AKT1: variants seen among roughly 807,000 people sequenced by gnomAD.
The protein encoded by AKT1 is RAC-alpha serine/threonine-protein kinase.
AKT1 carries 21 observed loss-of-function variants against 63.1 expected under a neutral mutation model. That is an observed-to-expected ratio of 0.33 (90% confidence interval 0.24 to 0.48). The LOEUF (loss-of-function observed/expected upper bound fraction) is 0.48. Ranked by LOEUF, AKT1 falls within the 20% of genes least tolerant of loss-of-function variation. The pLI is 0.99. For missense variants in AKT1, 382 were observed against 666.0 expected (o/e 0.57, Z 4.69); for synonymous variants, 257 against 253.1 (o/e 1.02, Z -0.15).
At chr14:104,793,001 C>G in intron 2 of AKT1, 126 bp downstream of exon 2, 1 of 420,654 alleles carries the variant, frequency 2.4e-6, no homozygotes, top group Non-Finnish European at 4.4e-6. Context: ...CCTCCAGCCC[C>G]TGCCACCACC....
At position 104,780,167 on chromosome 14, in the gene AKT1, A is replaced by G. The variant is rs201636005; in HGVS notation, c.96T>C (p.Asp32=). The G allele has an allele frequency of 6.2e-7, 1 of 1,613,640 alleles. No individual in the cohort carries two copies. The highest frequency in any genetic ancestry group is 2.2e-5 in the East Asian group (1 of 44,882). ...GCTCCTTGTAGCCAATGAAGGTGCC[A>G]TCATTCTTGAGGAGGAAGTAGCGTG... is the stretch of plus-strand genomic sequence containing the variant. ...WRPRYFLLKN[D]GTFIGYKERP... The change falls in exon 4 of 15, where the codon GAT becomes GAC. Residue 32 remains aspartate (D), a synonymous_variant. Coordinates refer to ENST00000649815, the MANE Select transcript of AKT1 (RefSeq NM_001382430.1).
chr14:104,782,161 G>A (rs1164709629), intron 3 of AKT1, among the ~76,000 whole-genome samples: 1 of 152,042 alleles, frequency 6.6e-6, no homozygotes, highest in East Asian at 1.9e-4. Flanking sequence ...AGGCTCAGGG[G>A]GCTGCATGCA....
At chr14:104,786,787 C>G (rs994843820) in intron 3 of AKT1, among the ~76,000 whole-genome samples, 1 of 152,188 alleles carries the variant, frequency 6.6e-6, no homozygotes, top group Admixed American at 6.5e-5. Context: ...CGTGGCCTCA[C>G]CCCACACCTC....
At position 104,783,512 on chromosome 14, in the gene AKT1, ACCC is replaced by A. The variant is rs907233996; in HGVS notation, c.47-3299_47-3297del. On this transcript the variant is annotated intron_variant, in intron 3 of 14. Coordinates refer to ENST00000649815, the MANE Select transcript of AKT1 (RefSeq NM_001382430.1). ...GGCATCCCCCCACCCCACCCCAGTCACCCCCCCAACACCACCCCACCCACCTGC... is the reference window on the plus strand; with the variant it reads ...GGCATCCCCCCACCCCACCCCAGTCACCCCAACACCACCCCACCCACCTGC... 7.0e-4 allele frequency among the ~76,000 whole-genome samples: 28 copies of A among 40,214 alleles called. No individual in the cohort carries two copies. The East Asian group carries it at 0.013, about 18-fold the overall frequency. The allele number at this position is 40,214 out of a possible 152,430, so 26.4% of individuals were successfully genotyped here.
intron 13 of AKT1, 47 bp downstream of exon 13, chr14:104,772,316 GAT>G: frequency 1.3e-6 from 2 of 1,588,776 alleles, no homozygotes; most frequent in Non-Finnish European, 1.7e-6. Flanking sequence ...CGTGAGTGTG[GAT>G]ATGTGGGGAG....
rs1404270064 is a variant in AKT1, at chr14:104,776,832, C to A, written c.176-62G>T. 7.0e-6 allele frequency: 10 copies of A among 1,433,090 alleles called. No homozygotes were observed. In the East Asian group the frequency reaches 1.9e-4, roughly 27 times the overall value. The allele number at this position is 1,433,090 out of a possible 1,614,324, so 88.8% of individuals were successfully genotyped here. ...CCTGCCCCTCCCAGGGCCCTCACCA[C>A]AGCCCCCGCTGCACCAGCCAGCTCC... is the stretch of plus-strand genomic sequence containing the variant. On this transcript the variant is annotated intron_variant, in intron 4 of 14. Coordinates refer to ENST00000649815, the MANE Select transcript of AKT1 (RefSeq NM_001382430.1).
At position 104,780,121 on chromosome 14, in the gene AKT1, G is replaced by A. The variant is rs374093099; in HGVS notation, c.142C>T (p.Arg48Cys). The change falls in exon 4 of 15, where the codon CGT (arginine) becomes TGT (cysteine). Residue 48 changes from arginine to cysteine, a missense_variant. This residue lies in a region of AKT1 where 226 missense variants were observed against 366.4 expected (regional missense o/e 0.62). Coordinates refer to ENST00000649815, the MANE Select transcript of AKT1 (RefSeq NM_001382430.1). The part of the protein sequence containing the change: ...YKERPQDVDQ[R>C]EAPLNNFSVA... ...GAGAAGTTGTTGAGGGGAGCCTCAC[G>A]TTGGTCCACATCCTGCGGCCGCTCC... The A allele has an allele frequency of 4.8e-5, 77 of 1,613,550 alleles. No individual in the cohort carries two copies. The highest frequency in any genetic ancestry group is 1.6e-4 in the Middle Eastern group (1 of 6,082).
intron 8 of AKT1, chr14:104,774,712 T>G (rs1447417599): frequency 6.9e-6 from 4 of 583,100 alleles, no homozygotes; most frequent in Non-Finnish European, 1.2e-5. Flanking sequence ...CAGGGCCACC[T>G]GCCCCACCCA....
At chr14:104,779,977 C>A (rs1892943087) in intron 4 of AKT1, 111 bp downstream of exon 4, 1 of 1,465,316 alleles carries the variant, frequency 6.8e-7, no homozygotes, top group Admixed American at 2.2e-5. Flanking sequence ...TGTTGCTTGC[C>A]AGCCCAGGAC....
Position 104,769,607 on chromosome 14 carries a change from G to T in AKT1, c.*734C>A. The T allele has an allele frequency of 5.7e-6, 3 of 528,086 alleles. No individual in the cohort carries two copies. Among genetic ancestry groups the T allele is most frequent in the Non-Finnish European group, 1.1e-5 (3 of 273,176 alleles). 32.7% of individuals were successfully genotyped at this position (528,086 alleles called of 1,614,324 possible). A position where few individuals can be genotyped will look rare whatever the true frequency, so the allele number is the denominator to read the frequency against. On this transcript the variant is annotated 3_prime_UTR_variant, in exon 15 of 15. Transcript: ENST00000649815. ...GAGATCATCTGAGGGGGAGGCTCCC[G>T]GTGGGACAGTCACCAAGAACTGTGA...
At chr14:104,778,467 G>A (rs1264100774) in intron 4 of AKT1, 1 of 147,972 alleles carries the variant, frequency 6.8e-6, no homozygotes, top group Non-Finnish European at 1.5e-5. Flanking sequence ...CTGGCTTGAG[G>A]CTGGAAGAGC....
At position 104,772,392 on chromosome 14, in the gene AKT1, G is replaced by T; in HGVS notation, c.1233C>A (p.Ile411=). The change falls in exon 13 of 15, where the codon ATC becomes ATA. Residue 411 remains isoleucine, a synonymous_variant. Transcript: ENST00000649815. The part of the protein sequence containing the change: ...EIMQHRFFAG[I]VWQHVYEKKL... ...TCTTCTCGTACACGTGCTGCCACAC[G>T]ATACCGGCAAAGAAGCGATGCTGCA... The T allele has an allele frequency of 6.2e-7, 1 of 1,613,906 alleles. No individual in the cohort carries two copies. Among genetic ancestry groups the T allele is most frequent in the Non-Finnish European group, 8.5e-7 (1 of 1,180,036 alleles).
In AKT1 at chr14:104,782,185, G is replaced by A. The variant is rs564318766; in HGVS notation, c.47-1969C>T. The stretch of plus-strand genomic sequence containing the variant: ...GGGCTGCATGCAGCCCACCCCACCC[G>A]TCCCCCATCCTGGGCCACCCCGCTG... On this transcript the variant is annotated intron_variant, in intron 3 of 14. Transcript: ENST00000649815. Among the ~76,000 whole-genome samples, 15 of 82,856 alleles carry A rather than the reference G, an allele frequency of 1.8e-4. No individual in the cohort carries two copies. The East Asian group carries it at 2.7e-3, about 15-fold the overall frequency. 54.4% of individuals were successfully genotyped at this position (82,856 alleles called of 152,430 possible).
rs35416681 is a variant in AKT1, at chr14:104,769,950, A to C, written c.*391T>G. Reference sequence around the variant, plus strand: ...GCCCAGGGCCCCAGAGAGATGACAGATAGCTGGTGACAGACAGCCCAGGGC... The same window carrying C: ...GCCCAGGGCCCCAGAGAGATGACAGCTAGCTGGTGACAGACAGCCCAGGGC... On this transcript the variant is annotated 3_prime_UTR_variant, in exon 15 of 15. Coordinates refer to ENST00000649815, the MANE Select transcript of AKT1 (RefSeq NM_001382430.1). 5,730 of 415,472 alleles carry C rather than the reference A, an allele frequency of 0.014. 99 individuals are homozygous for C. The highest frequency in any genetic ancestry group is 0.052 in the African/African-American group (2,588 of 49,484). The allele number at this position is 415,472 out of a possible 1,614,324, so 25.7% of individuals were successfully genotyped here. A position where few individuals can be genotyped will look rare whatever the true frequency, so the allele number is the denominator to read the frequency against.
chr14:104,772,808 G>C, intron 12 of AKT1, 70 bp downstream of exon 12: 1 of 1,492,924 alleles, frequency 6.7e-7, no homozygotes, highest in Non-Finnish European at 9.0e-7. Flanking sequence ...ACCGCCTGGC[G>C]CAGGGGCAGG....
At chr14:104,785,991 A>G (rs1893310647) in intron 3 of AKT1, among the ~76,000 whole-genome samples, 1 of 151,800 alleles carries the variant, frequency 6.6e-6, no homozygotes, top group Admixed American at 6.6e-5. Flanking sequence ...CCTCCCCCAC[A>G]GGCACTGCCC....
intron 3 of AKT1, among the ~76,000 whole-genome samples, chr14:104,788,960 G>T (rs778611880): frequency 9.2e-5 from 14 of 152,228 alleles, no homozygotes; most frequent in Non-Finnish European, 1.8e-4. Flanking sequence ...GGCCCGGCCA[G>T]GCACCCAGAT....
At chr14:104,777,750 G>C (rs944179400) in intron 4 of AKT1, 2 of 985,446 alleles carry the variant, frequency 2.0e-6, no homozygotes, top group Non-Finnish European at 2.4e-6. Context: ...TTCCAGCATC[G>C]AGGCCCTGGC....
In AKT1 at chr14:104,786,922, A is replaced by G. The variant is rs570667064; in HGVS notation, c.46+5676T>C. On this transcript the variant is annotated intron_variant, in intron 3 of 14. Coordinates refer to ENST00000649815, the MANE Select transcript of AKT1 (RefSeq NM_001382430.1). ...GGGCCTCTCTGCATTCTCCAGGCCCAGGGAGCAGCCACCTCCCCGCCAGGC... is the reference window on the plus strand; with the variant it reads ...GGGCCTCTCTGCATTCTCCAGGCCCGGGGAGCAGCCACCTCCCCGCCAGGC... 1.8e-3 allele frequency among the ~76,000 whole-genome samples: 281 copies of G among 152,256 alleles called. 1 individual carries two copies. The highest frequency in any genetic ancestry group is 2.8e-3 in the Non-Finnish European group (189 of 67,990).
Sources: gnomAD v4.1 joint callset for allele counts (sites outside exome capture counted in the v4.1 genomes callset) on GRCh38, gnomAD v4.1.1 for gene constraint, gnomAD v4.1.1 regional missense constraint, MANE v1.5 for transcripts, NCBI Gene and HGNC (gene_info 2026-07-23, HGNC 2026-07-21) for gene names.